Variants in PRKD3 observed in about 807,000 individuals in gnomAD.
The protein encoded by PRKD3 is serine/threonine-protein kinase D3.
In PRKD3, 47 loss-of-function variants were observed where a neutral mutation model predicts 99.2. That is an observed-to-expected ratio of 0.47 (90% CI 0.38 to 0.60). The LOEUF (loss-of-function observed/expected upper bound fraction) is 0.60, where lower values mean the gene tolerates loss of function less well. Among genes scored for constraint, PRKD3 ranks in the 20% least tolerant of loss-of-function variants. The pLI is 0.00. For missense variants in PRKD3, 1,019 were observed against 1,088.4 expected (o/e 0.94, Z 0.90); for synonymous variants, 392 against 355.4 (o/e 1.10, Z -1.16).
chr2:37,296,899 CAAAA>C (rs748730644), intron 2 of PRKD3, among the ~76,000 whole-genome samples: 2 of 48,130 alleles, frequency 4.2e-5, no homozygotes, highest in Non-Finnish European at 8.6e-5. Context: ...GACTCTGTCT[CAAAA>C]AAAAAAAAAA....
At chr2:37,274,318 A>C in intron 11 of PRKD3, 103 bp downstream of exon 11, 1 of 1,333,846 alleles carries the variant, frequency 7.5e-7, no homozygotes. Context: ...ACTAAAGACT[A>C]AGCTTAGGAT....
intron 9 of PRKD3, among the ~76,000 whole-genome samples, chr2:37,276,341 A>G (rs1437597959): frequency 6.6e-6 from 1 of 152,116 alleles, no homozygotes; most frequent in Non-Finnish European, 1.5e-5. Context: ...GCAGTATGTT[A>G]ATAACTTTTT....
At chr2:37,285,002 T>A (rs115554173) in intron 6 of PRKD3, among the ~76,000 whole-genome samples, 3 of 152,206 alleles carry the variant, frequency 2.0e-5, no homozygotes, top group African/African-American at 7.2e-5. Context: ...TACTCTGTCT[T>A]GTAAGCAAGA....
chr2:37,318,346 C>T (rs1217126288), intron 1 of PRKD3, among the ~76,000 whole-genome samples: 1 of 152,124 alleles, frequency 6.6e-6, no homozygotes, highest in Non-Finnish European at 1.5e-5. Context: ...CATACTTTAC[C>T]TCATAACTCT....
chr2:37,315,597 C>T (rs1671622796), intron 2 of PRKD3, among the ~76,000 whole-genome samples: 1 of 152,170 alleles, frequency 6.6e-6, no homozygotes, highest in Admixed American at 6.5e-5. Context: ...GGGCCTTGTG[C>T]CCTCTACCTC....
rs779179821 is a variant in PRKD3 at position 37,293,221 on chromosome 2, G to A, written c.339C>T (p.Arg113=). The A allele has an allele frequency of 1.2e-6, 2 of 1,603,140 alleles. No homozygotes were observed. The highest frequency in any genetic ancestry group is 1.7e-6 in the Non-Finnish European group (2 of 1,171,764). The part of the protein sequence containing the change: ...FGMYDKILLF[R]HDMNSENILQ... ...AAATGTTTTCTGAGTTCATGTCATG[G>A]CGAAAGAGAAGAATTTTGTCATACA... Residue 113 remains arginine (R), a synonymous_variant, in exon 3 of 19, where the codon CGC becomes CGT. Coordinates refer to ENST00000234179, the MANE Select transcript of PRKD3 (RefSeq NM_005813.6).
chr2:37,322,241 T>C (rs903884420), intron 1 of PRKD3, among the ~76,000 whole-genome samples: 3 of 152,252 alleles, frequency 2.0e-5, no homozygotes, highest in African/African-American at 7.2e-5. Flanking sequence ...TGCTTTTATA[T>C]TGTATGTTGT....
rs570073847 is a variant in PRKD3 at position 37,261,490 on chromosome 2, T to TA, written c.1885-1107dup. On this transcript the variant is annotated intron_variant, in intron 14 of 18. Coordinates refer to ENST00000234179, the MANE Select transcript of PRKD3 (RefSeq NM_005813.6). ...AGACAGAGCGAGACTTTGTCTCAAA[T>TA]AAAAAAAAGGCCGGGCGCGGTGGCT... 4.8e-3 allele frequency among the ~76,000 whole-genome samples: 594 copies of TA among 122,930 alleles called. 4 individuals carry two copies. Among genetic ancestry groups the TA allele is most frequent in the Non-Finnish European group, 7.3e-3 (418 of 57,552 alleles). The allele number at this position is 122,930 out of a possible 152,430, so 80.6% of individuals were successfully genotyped here.
At chr2:37,289,200 G>C (rs1387812556) in intron 5 of PRKD3, among the ~76,000 whole-genome samples, 156 bp downstream of exon 5, 1 of 152,048 alleles carries the variant, frequency 6.6e-6, no homozygotes, top group Non-Finnish European at 1.5e-5. Context: ...ATTACTACCG[G>C]TAAGTCCTGT....
chr2:37,258,903 G>A (rs1668187995), intron 16 of PRKD3, among the ~76,000 whole-genome samples: 1 of 152,298 alleles, frequency 6.6e-6, no homozygotes, highest in Non-Finnish European at 1.5e-5. Context: ...TATTTGAGCT[G>A]ATCGGAGGAA....
At chr2:37,268,103 T>G (rs1668967936) in intron 13 of PRKD3, 1 of 314,188 alleles carries the variant, frequency 3.2e-6, no homozygotes, top group South Asian at 2.7e-5. Flanking sequence ...GTACTAGGTA[T>G]GCCTTTAGAT....
chr2:37,272,846 A>G (rs1669356388), intron 11 of PRKD3, among the ~76,000 whole-genome samples: 1 of 151,398 alleles, frequency 6.6e-6, no homozygotes, highest in South Asian at 2.1e-4. Flanking sequence ...AGCCAGGCAT[A>G]GTGGTGTGCA....
intron 14 of PRKD3, among the ~76,000 whole-genome samples, chr2:37,263,654 T>C (rs528866125): frequency 1.6e-4 from 25 of 152,320 alleles, no homozygotes; most frequent in African/African-American, 5.8e-4. Context: ...TTAAATCTTA[T>C]CAGATCATGA....
At chr2:37,305,300 G>A (rs760411790) in intron 2 of PRKD3, among the ~76,000 whole-genome samples, 12 of 152,170 alleles carry the variant, frequency 7.9e-5, no homozygotes, top group South Asian at 2.1e-4. Flanking sequence ...CTAGTGTCAC[G>A]TAAATCGTCA....
At chr2:37,297,068 T>C (rs1670708040) in intron 2 of PRKD3, among the ~76,000 whole-genome samples, 1 of 152,064 alleles carries the variant, frequency 6.6e-6, no homozygotes, top group African/African-American at 2.4e-5. Context: ...AACCAAACTG[T>C]TAATGAATTC....
chr2:37,316,214 A>G, intron 2 of PRKD3, 23 bp downstream of exon 2: 1 of 1,570,720 alleles, frequency 6.4e-7, no homozygotes, highest in Non-Finnish European at 8.7e-7. Flanking sequence ...ATTATTTACT[A>G]CTGATAATAG....
At chr2:37,299,051 T>TA (rs1670797289) in intron 2 of PRKD3, among the ~76,000 whole-genome samples, 1 of 152,212 alleles carries the variant, frequency 6.6e-6, no homozygotes, top group African/African-American at 2.4e-5. Context: ...GTATACCAGC[T>TA]GCATGTCTGT....
intron 12 of PRKD3, among the ~76,000 whole-genome samples, chr2:37,271,846 T>C (rs994585831): frequency 1.3e-5 from 2 of 152,208 alleles, no homozygotes; most frequent in African/African-American, 4.8e-5. Context: ...CTAAGGTACT[T>C]ACTAAAAAGT....
In PRKD3 at chr2:37,286,173, C is replaced by A; in HGVS notation, c.910+4G>T. The A allele has an allele frequency of 6.3e-7, 1 of 1,595,918 alleles. No individual in the cohort carries two copies. The highest frequency in any genetic ancestry group is 8.6e-7 in the Non-Finnish European group (1 of 1,168,336). ...TTTTAATTAGGGAAAACACCTAATC[C>A]TACCTTTACACTGCATTCCTTGGCG... On this transcript the variant is annotated splice_donor_region_variant and intron_variant, in intron 6 of 18. Coordinates refer to ENST00000234179, the MANE Select transcript of PRKD3 (RefSeq NM_005813.6).
Sources: allele counts gnomAD v4.1 joint callset (sites outside exome capture counted in the v4.1 genomes callset), GRCh38; gene constraint gnomAD v4.1.1; transcripts MANE v1.5; gene names NCBI Gene and HGNC (gene_info 2026-07-23, HGNC 2026-07-21).